KDM4B: variants seen among roughly 807,000 people sequenced by gnomAD.
The protein encoded by KDM4B is lysine demethylase 4B.
A neutral mutation model predicts 125.2 loss-of-function variants in KDM4B; 32 were observed. That is an observed-to-expected ratio of 0.26 (90% CI 0.19 to 0.34). The LOEUF (loss-of-function observed/expected upper bound fraction) is 0.34. Among genes scored for constraint, KDM4B ranks in the 10% least tolerant of loss-of-function variants. KDM4B has a pLI of 1.00. For synonymous variants in KDM4B, 721 were observed against 677.9 expected, an observed-to-expected ratio of 1.06 and a Z score of -0.99; for missense variants, 1,190 against 1,577.7, an observed-to-expected ratio of 0.75 and a Z score of 4.16.
chr19:4,969,982 G>A (rs2034196530), intron 1 of KDM4B, among the ~76,000 whole-genome samples: 2 of 152,188 alleles, frequency 1.3e-5, no homozygotes, highest in Admixed American at 1.3e-4. Flanking sequence ...CTCGAACGAA[G>A]CCCCTGCTCT....
intron 7 of KDM4B, among the ~76,000 whole-genome samples, chr19:5,073,091 C>T (rs773386813): frequency 1.3e-5 from 2 of 152,208 alleles, no homozygotes; most frequent in African/African-American, 4.8e-5. Context: ...TGCTCCCCCA[C>T]CTCAAGATCC....
chr19:5,094,844 G>A (rs544207225), intron 9 of KDM4B, among the ~76,000 whole-genome samples: 2 of 152,346 alleles, frequency 1.3e-5, no homozygotes, highest in African/African-American at 2.4e-5. Flanking sequence ...GGCCAGCCGC[G>A]GGTCAAGCCC....
rs10536135 is a variant in KDM4B at position 5,007,542 on chromosome 19, CTTTT to C, written c.-108-8697_-108-8694del. Among the ~76,000 whole-genome samples, 26 of 100,754 alleles carry C rather than the reference CTTTT, an allele frequency of 2.6e-4. 1 individual carries two copies. The highest frequency in any genetic ancestry group is 8.7e-4 in the African/African-American group (22 of 25,188). The allele number at this position is 100,754 out of a possible 152,430, so 66.1% of individuals were successfully genotyped here. Reference sequence around the variant, plus strand: ...CATTGTCTTTTCACTTTCTCTCTCTCTTTTTTTTTTTTTTTTTTTTTGAGACAGA... The same window carrying C: ...CATTGTCTTTTCACTTTCTCTCTCTCTTTTTTTTTTTTTTTTTGAGACAGA... On this transcript the variant is annotated intron_variant, in intron 1 of 22. Coordinates refer to ENST00000159111, the MANE Select transcript of KDM4B (RefSeq NM_015015.3).
chr19:5,143,958 C>T lies in KDM4B; in HGVS notation c.2551-9C>T, dbSNP rs1200193499. On this transcript the variant is annotated splice_polypyrimidine_tract_variant and intron_variant, in intron 18 of 22. Transcript: ENST00000159111. ...AGCCCCATGCCCCTGCCTGTGTCCC[C>T]ATCCCCAGAAATGCGTGTACTGCCG... 1.3e-6 allele frequency: 2 copies of T among 1,572,560 alleles called. No homozygotes were observed. The highest frequency in any genetic ancestry group is 1.7e-6 in the Non-Finnish European group (2 of 1,150,514).
intron 1 of KDM4B, among the ~76,000 whole-genome samples, chr19:4,977,760 C>T (rs1271985928): frequency 6.6e-6 from 1 of 152,134 alleles, no homozygotes; most frequent in Admixed American, 6.5e-5. Flanking sequence ...GTGCCCTCAG[C>T]CGGGACTCAG....
chr19:5,016,740 C>G (rs1228284970), intron 2 of KDM4B, among the ~76,000 whole-genome samples: 3 of 152,194 alleles, frequency 2.0e-5, no homozygotes, highest in African/African-American at 7.2e-5. Flanking sequence ...AAGTGGGGAG[C>G]AGTTAGAGCA....
intron 2 of KDM4B, among the ~76,000 whole-genome samples, chr19:5,031,700 G>A (rs1444950072): frequency 6.6e-6 from 1 of 152,210 alleles, no homozygotes; most frequent in Non-Finnish European, 1.5e-5. Context: ...GCTTTTGTCA[G>A]GATGGAGGGT....
intron 2 of KDM4B, among the ~76,000 whole-genome samples, chr19:5,020,326 CAGGTGTTGGTGTGT>C (rs1290240382): frequency 6.7e-6 from 1 of 148,712 alleles, no homozygotes; most frequent in Non-Finnish European, 1.5e-5. Flanking sequence ...TGTTGGTGTG[CAGGTGTTGGTGTGT>C]AGGTGTTGGT....
intron 9 of KDM4B, among the ~76,000 whole-genome samples, chr19:5,104,385 A>G (rs1048174986): frequency 1.3e-5 from 2 of 152,194 alleles, no homozygotes; most frequent in Non-Finnish European, 2.9e-5. Flanking sequence ...AATAGTTCAG[A>G]CATGGGAGAC....
chr19:5,107,036 C>T (rs139951241), intron 9 of KDM4B, among the ~76,000 whole-genome samples: 89 of 152,338 alleles, frequency 5.8e-4, no homozygotes, highest in African/African-American at 1.8e-3. Context: ...CTTCATGCTC[C>T]GCGTTCCTCA....
At chr19:5,088,665 T>TTC (rs2038587554) in intron 9 of KDM4B, among the ~76,000 whole-genome samples, 1 of 103,780 alleles carries the variant, frequency 9.6e-6, no homozygotes, top group Non-Finnish European at 2.0e-5. Context: ...GCCCCCCCCC[T>TTC]CCCCCCCCCC....
chr19:5,137,540 C>A, intron 16 of KDM4B, 81 bp from the exon 17 acceptor site: 1 of 1,414,642 alleles, frequency 7.1e-7, no homozygotes, highest in Admixed American at 1.9e-5. Context: ...GGGCTGGGGA[C>A]GGTTGGCAGA....
At position 5,150,446 on chromosome 19, in the gene KDM4B, G is replaced by A. The variant is rs1329064049; in HGVS notation, c.3110G>A (p.Arg1037Gln). The A allele has an allele frequency of 3.9e-6, 6 of 1,549,276 alleles. No homozygotes were observed. The highest frequency in any genetic ancestry group is 4.9e-5 in the East Asian group (2 of 40,920). The change falls in exon 22 of 23, where the codon CGG (arginine) becomes CAG (glutamine). Residue 1037 changes from arginine to glutamine, a missense_variant. Arg to Gln is a conservative substitution (Grantham distance 43). Transcript: ENST00000159111. ...GAGCTGCCCAAGAGGGTCCGCTCTC[G>A]GCTGGTGAGTGCGCGAGGCTGGCCT... ...EEELPKRVRS[R>Q]LSLSTGAPQE...
intron 9 of KDM4B, among the ~76,000 whole-genome samples, chr19:5,109,596 A>G (rs905178407): frequency 1.4e-4 from 21 of 152,140 alleles, no homozygotes; most frequent in African/African-American, 4.8e-4. Flanking sequence ...TGTTTGCTCA[A>G]TTCCCCCAAG....
chr19:5,038,617 G>A (rs999685943), intron 3 of KDM4B, among the ~76,000 whole-genome samples: 1 of 152,196 alleles, frequency 6.6e-6, no homozygotes, highest in Non-Finnish European at 1.5e-5. Flanking sequence ...ACCTCTCTGG[G>A]GTGGAAGTCC....
intron 2 of KDM4B, among the ~76,000 whole-genome samples, chr19:5,020,313 G>GCA (rs202088073): frequency 7.0e-6 from 1 of 142,650 alleles, no homozygotes; most frequent in African/African-American, 2.6e-5. Flanking sequence ...GTGTTGGTGT[G>GCA]GGTGTTGGTG....
At chr19:5,018,186 G>T (rs903919668) in intron 2 of KDM4B, among the ~76,000 whole-genome samples, 1 of 152,182 alleles carries the variant, frequency 6.6e-6, no homozygotes, top group African/African-American at 2.4e-5. Context: ...CTACAGGCAT[G>T]CACACCACAC....
intron 2 of KDM4B, among the ~76,000 whole-genome samples, chr19:5,031,204 G>A (rs116334604): frequency 1.1e-3 from 169 of 152,346 alleles, no homozygotes; most frequent in African/African-American, 3.7e-3. Context: ...TGGCGGGGTC[G>A]CAGGTGAGGA....
At chr19:5,049,449 C>T (rs374279739) in intron 6 of KDM4B, among the ~76,000 whole-genome samples, 1 of 151,922 alleles carries the variant, frequency 6.6e-6, no homozygotes. Flanking sequence ...ATTCCGGAAG[C>T]GCCCTGACCT....
Sources: allele counts gnomAD v4.1 joint callset (sites outside exome capture counted in the v4.1 genomes callset), GRCh38; gene constraint gnomAD v4.1.1; transcripts MANE v1.5; gene names NCBI Gene and HGNC (gene_info 2026-07-23, HGNC 2026-07-21).